The following CD1B variants were observed in gnomAD, a reference collection of about 807,000 sequenced individuals.
CD1B encodes CD1b molecule, also known as T-cell surface glycoprotein CD1b.
CD1B carries 43 observed loss-of-function variants against 39.8 expected under a neutral mutation model. The observed-to-expected ratio is 1.08, with a 90% CI of 0.85 to 1.39. CD1B has a LOEUF of 1.39. CD1B is among the 40% of genes most tolerant of loss of function. The pLI, the probability that CD1B is intolerant of heterozygous loss-of-function variation, is 0.00. For missense variants in CD1B, 495 were observed against 403.8 expected (o/e 1.23, Z -1.94); for synonymous variants, 192 against 152.5 (o/e 1.26, Z -1.91).
the CD1B span, among the ~76,000 whole-genome samples, chr1:158,298,741 A>G: frequency 0.67 from 102,249 of 151,878 alleles, 36,417 homozygotes; most frequent in African/African-American, 0.9. Context: ...ATCCCTTGTA[A>G]GTTGGATTCC....
At chr1:158,327,800 A>G (rs574408007), downstream of CD1B, among the ~76,000 whole-genome samples, 9 of 152,376 alleles carry the variant, frequency 5.9e-5, no homozygotes, top group South Asian at 1.9e-3. Flanking sequence ...ATCCAGGCAG[A>G]GACAGAGAAG....
At chr1:158,311,802 C>T in the CD1B span, among the ~76,000 whole-genome samples, 6 of 152,080 alleles carry the variant, frequency 3.9e-5, no homozygotes, top group African/African-American at 7.2e-5. Context: ...AATAGGTTGG[C>T]TGTAAAGGCA....
chr1:158,295,962 C>T, the CD1B span, among the ~76,000 whole-genome samples: 1 of 152,136 alleles, frequency 6.6e-6, no homozygotes, highest in South Asian at 2.1e-4. Flanking sequence ...ACCACTGCTG[C>T]ACTGTCCCCA....
chr1:158,304,161 C>T, the CD1B span, among the ~76,000 whole-genome samples: 2 of 152,092 alleles, frequency 1.3e-5, no homozygotes, highest in African/African-American at 4.8e-5. Context: ...ACCTGGGAAG[C>T]ACAAGGGGTC....
chr1:158,329,949 T>C lies in CD1B; in HGVS notation c.510A>G (p.Gln170=), dbSNP rs1652523784. The C allele has an allele frequency of 1.2e-6, 2 of 1,613,950 alleles. No individual in the cohort carries two copies. The highest frequency in any genetic ancestry group is 4.5e-5 in the East Asian group (2 of 44,846). ...GAATTCTCACAGTTTCCATGATACC[T>C]TGATATTGTATGATTAGTGCACAGA... ...QKFCALIIQY[Q]GIMETVRILL... The change falls in exon 3 of 6, where the codon CAA becomes CAG. Residue 170 remains glutamine (Q), a synonymous_variant. Coordinates refer to ENST00000368168, the MANE Select transcript of CD1B (RefSeq NM_001764.3).
the CD1B span, among the ~76,000 whole-genome samples, chr1:158,309,480 G>C: frequency 6.6e-6 from 1 of 152,054 alleles, no homozygotes; most frequent in Non-Finnish European, 1.5e-5. Context: ...CCCATTACTG[G>C]TTATATACCC....
At chr1:158,316,119 T>C in the CD1B span, among the ~76,000 whole-genome samples, 1 of 151,974 alleles carries the variant, frequency 6.6e-6, no homozygotes, top group African/African-American at 2.4e-5. Flanking sequence ...TCTTTTGGCT[T>C]ACGATTGACT....
the CD1B span, among the ~76,000 whole-genome samples, chr1:158,300,149 T>C: frequency 6.6e-6 from 1 of 152,352 alleles, no homozygotes; most frequent in African/African-American, 2.4e-5. Context: ...CTCTACACAC[T>C]GCTTTACATG....
At chr1:158,299,452 C>A in the CD1B span, among the ~76,000 whole-genome samples, 7 of 151,982 alleles carry the variant, frequency 4.6e-5, no homozygotes, top group Admixed American at 6.6e-5. Flanking sequence ...CAGTGTTCAT[C>A]GGGGACATTG....
At chr1:158,326,200 C>T (rs1306633970), downstream of CD1B, among the ~76,000 whole-genome samples, 1 of 152,060 alleles carries the variant, frequency 6.6e-6, no homozygotes, top group East Asian at 1.9e-4. Flanking sequence ...TCTCAATCAA[C>T]TGACCTCGTG....
chr1:158,316,070 A>G, the CD1B span, among the ~76,000 whole-genome samples: 1 of 151,910 alleles, frequency 6.6e-6, no homozygotes, highest in Admixed American at 6.6e-5. Flanking sequence ...GCCTTGTAGT[A>G]TAGTTTGAAG....
chr1:158,306,298 G>T, the CD1B span, among the ~76,000 whole-genome samples: 1 of 152,108 alleles, frequency 6.6e-6, no homozygotes, highest in Non-Finnish European at 1.5e-5. Context: ...TGATAAAACA[G>T]ACTTTAAACC....
the CD1B span, among the ~76,000 whole-genome samples, chr1:158,310,503 C>A: frequency 6.6e-6 from 1 of 151,866 alleles, no homozygotes; most frequent in East Asian, 1.9e-4. Context: ...GCACAGCAAA[C>A]AAAATTGTCA....
chr1:158,305,021 T>G, the CD1B span, among the ~76,000 whole-genome samples: 3 of 151,986 alleles, frequency 2.0e-5, no homozygotes, highest in African/African-American at 7.2e-5. Flanking sequence ...ACTCTAAAAA[T>G]CAGAGTGCCT....
chr1:158,295,168 G>T, the CD1B span, among the ~76,000 whole-genome samples: 3 of 152,050 alleles, frequency 2.0e-5, no homozygotes, highest in African/African-American at 7.2e-5. Context: ...ATGCAGCCAG[G>T]AAGAGCTTCT....
the CD1B span, among the ~76,000 whole-genome samples, chr1:158,312,732 T>G: frequency 6.6e-6 from 1 of 152,224 alleles, no homozygotes; most frequent in Admixed American, 6.5e-5. Context: ...AATTTATTAG[T>G]GCTCATGGCT....
chr1:158,303,917 A>G, the CD1B span, among the ~76,000 whole-genome samples: 1 of 152,162 alleles, frequency 6.6e-6, no homozygotes, highest in South Asian at 2.1e-4. Flanking sequence ...ATTTGAAAAA[A>G]CTATTCTAAA....
the CD1B span, among the ~76,000 whole-genome samples, chr1:158,319,504 G>A: frequency 6.6e-6 from 1 of 152,096 alleles, no homozygotes; most frequent in Non-Finnish European, 1.5e-5. Context: ...AGCCTTGGTT[G>A]TCAGCTCCAT....
At chr1:158,328,808 T>C in intron 5 of CD1B, 113 bp downstream of exon 5, 1 of 730,090 alleles carries the variant, frequency 1.4e-6, no homozygotes, top group Non-Finnish European at 2.2e-6. Context: ...GGAAAGGATA[T>C]GGTGAAAGGA....
Sources: allele counts gnomAD v4.1 joint callset (sites outside exome capture counted in the v4.1 genomes callset), GRCh38; gene constraint gnomAD v4.1.1; transcripts MANE v1.5; gene names NCBI Gene and HGNC (gene_info 2026-07-23, HGNC 2026-07-21).